The following ABLIM2 variants were observed in gnomAD, a reference collection of about 807,000 sequenced individuals.
ABLIM2 encodes actin-binding LIM protein 2.
ABLIM2 carries 53 observed loss-of-function variants against 97.7 expected under a neutral mutation model. The observed-to-expected ratio is 0.54, with a 90% confidence interval of 0.44 to 0.68. The LOEUF (loss-of-function observed/expected upper bound fraction) is 0.68. Ranked by LOEUF, ABLIM2 falls within the 30% of genes least tolerant of loss-of-function variation. The pLI is 0.00. For synonymous variants in ABLIM2, 361 were observed against 345.8 expected (o/e 1.04, Z -0.49); for missense variants, 835 against 867.2 (o/e 0.96, Z 0.47).
intron 17 of ABLIM2, among the ~76,000 whole-genome samples, chr4:7,989,063 C>T (rs1400430353): frequency 1.4e-5 from 2 of 142,444 alleles, no homozygotes; most frequent in African/African-American, 5.1e-5. Context: ...GTTCACTAGA[C>T]ACATTAGTCT....
chr4:8,006,144 C>T (rs924300513), intron 16 of ABLIM2, among the ~76,000 whole-genome samples: 1 of 152,228 alleles, frequency 6.6e-6, no homozygotes, highest in Admixed American at 6.5e-5. Flanking sequence ...CTCCAGGGCA[C>T]CTACATTCTG....
chr4:8,017,144 A>T (rs906101982), intron 14 of ABLIM2, among the ~76,000 whole-genome samples: 3 of 152,124 alleles, frequency 2.0e-5, no homozygotes, highest in East Asian at 1.9e-4. Context: ...CCTTGAGTAG[A>T]TGACATGCTG....
intron 14 of ABLIM2, chr4:8,010,718 C>A: frequency 2.0e-6 from 1 of 489,890 alleles, no homozygotes; most frequent in Non-Finnish European, 2.7e-6. Flanking sequence ...AAATCAACGC[C>A]AAGCCTGCTC....
At chr4:7,969,829 G>T (rs1726304206) in intron 20 of ABLIM2, among the ~76,000 whole-genome samples, 1 of 150,936 alleles carries the variant, frequency 6.6e-6, no homozygotes, top group East Asian at 2.0e-4. Context: ...TCTCGAGTTT[G>T]CAAAGAGGAA....
At chr4:8,097,032 G>T in intron 3 of ABLIM2, 67 bp downstream of exon 3, 1 of 1,505,252 alleles carries the variant, frequency 6.6e-7, no homozygotes, top group Non-Finnish European at 8.9e-7. Flanking sequence ...AGAAGGGAAG[G>T]GAGGGAGGGA....
At chr4:8,108,426 T>G (rs902982423) in intron 1 of ABLIM2, among the ~76,000 whole-genome samples, 1 of 152,154 alleles carries the variant, frequency 6.6e-6, no homozygotes, top group Non-Finnish European at 1.5e-5. Context: ...AGACAACACC[T>G]GCAGCTGCCG....
rs551201650 is a variant in ABLIM2 at position 8,005,442 on chromosome 4, G to A, written c.1618+2617C>T. On this transcript the variant is annotated intron_variant, in intron 16 of 20. Transcript: ENST00000447017. This position sits in a 1 kb window ranked among gnomAD's most constrained non-coding sequence, Gnocchi z 4.9. The stretch of plus-strand genomic sequence containing the variant: ...AGATGGACGTCCCGGGGTGCAGGTG[G>A]CGTGCCTTGCTGTGTGCAAATGCTT... 1.9e-6 allele frequency: 1 copy of A among 532,878 alleles called. No individual in the cohort carries two copies. Among genetic ancestry groups the A allele is most frequent in the Non-Finnish European group, 3.8e-6 (1 of 259,962 alleles). The allele number at this position is 532,878 out of a possible 1,614,324, so 33.0% of individuals were successfully genotyped here.
At chr4:8,151,500 G>A (rs968984153) in intron 1 of ABLIM2, among the ~76,000 whole-genome samples, 1 of 152,136 alleles carries the variant, frequency 6.6e-6, no homozygotes, top group Non-Finnish European at 1.5e-5. Context: ...CTCCCTCCAC[G>A]CCAGAGACCC....
rs747358990 is a variant in ABLIM2 at position 8,069,134 on chromosome 4, C to T, written c.676-8080G>A. ...TCACTCCTGGCCCCACTGCCTCTTC[C>T]TCTCTACCCAGCTCCCGTTAAGGCG... On this transcript the variant is annotated intron_variant, in intron 6 of 20. Transcript: ENST00000447017. This position sits in a 1 kb window ranked among gnomAD's most constrained non-coding sequence, Gnocchi z 4.2. Among the ~76,000 whole-genome samples, 3 of 152,392 alleles carry T rather than the reference C, an allele frequency of 2.0e-5. No individual in the cohort carries two copies. Among genetic ancestry groups the T allele is most frequent in the Non-Finnish European group, 2.9e-5 (2 of 68,044 alleles).
chr4:8,096,629 C>A (rs1467060851), intron 3 of ABLIM2, among the ~76,000 whole-genome samples: 5 of 152,212 alleles, frequency 3.3e-5, no homozygotes, highest in East Asian at 3.8e-4. Context: ...ACAGGGAGTA[C>A]AGAACAGAAA....
At position 7,984,862 on chromosome 4, in the gene ABLIM2, G is replaced by A. The variant is rs1033151610; in HGVS notation, c.1712C>T (p.Pro571Leu). ...NANLAPCGAD[P>L]DASWGMREYK... ...ACCTCGCATGCCCCAGCTGGCATCCGGGTCTGCTCCACAGGGGGCCAGATT... is the reference window on the plus strand; with the variant it reads ...ACCTCGCATGCCCCAGCTGGCATCCAGGTCTGCTCCACAGGGGGCCAGATT... The change falls in exon 18 of 21, where the codon CCG becomes CTG. Residue 571 changes from proline to leucine, a missense_variant. Pro to Leu is a moderately conservative substitution (Grantham distance 98, BLOSUM62 -3). Transcript: ENST00000447017. 1.9e-5 allele frequency: 30 copies of A among 1,607,852 alleles called. No homozygotes were observed. Among genetic ancestry groups the A allele is most frequent in the Admixed American group, 3.4e-5 (2 of 59,164 alleles).
chr4:8,156,156 C>T (rs900675488), intron 1 of ABLIM2, among the ~76,000 whole-genome samples: 2 of 152,126 alleles, frequency 1.3e-5, no homozygotes, highest in Non-Finnish European at 2.9e-5. Context: ...GGATCTGGTG[C>T]CCACTGGTGG....
In ABLIM2 at chr4:8,097,238, C is replaced by A; in HGVS notation, c.199G>T (p.Gly67Cys). 6.3e-7 allele frequency: 1 copy of A among 1,575,866 alleles called. No individual in the cohort carries two copies. Among genetic ancestry groups the A allele is most frequent in the Non-Finnish European group, 8.6e-7 (1 of 1,161,934 alleles). Residue 67 changes from glycine (G) to cysteine (C), a missense_variant, in exon 3 of 21, where the codon GGC (glycine) becomes TGC (cysteine). Transcript: ENST00000447017. ...TAGTCCAGCGTGCAGATGTACTCGC[C>A]CTGCCGCACGAAGAAGCCGCCCTCG... ...LAEGGFFVRQ[G>C]EYICTLDYQR...
chr4:8,094,980 CTT>C (rs1165641736), intron 3 of ABLIM2, among the ~76,000 whole-genome samples: 3 of 127,550 alleles, frequency 2.4e-5, no homozygotes, highest in African/African-American at 6.4e-5. Context: ...CCCTCCCTTT[CTT>C]TCTCTTTCTT....
rs559684051 is a variant in ABLIM2 at position 7,984,026 on chromosome 4, C to G, written c.1736-472G>C. Among the ~76,000 whole-genome samples, 53 of 151,850 alleles carry G rather than the reference C, an allele frequency of 3.5e-4. 1 individual carries two copies. In the South Asian group the frequency reaches 0.011, roughly 31 times the overall value. Reference sequence around the variant, plus strand: ...TTTCTCTTTTTCAAACTACTGAGCTCTGCCCCCTAATGTCTTACTTCCAGA... The same window carrying G: ...TTTCTCTTTTTCAAACTACTGAGCTGTGCCCCCTAATGTCTTACTTCCAGA... On this transcript the variant is annotated intron_variant, in intron 18 of 20. Transcript: ENST00000447017.
In ABLIM2 at chr4:8,131,695, C is replaced by CT. The variant is rs1849414309; in HGVS notation, c.11-25059_11-25058insA. ...TCCCTGAGCACAGCAGCCCGCATCCCCAGCACAGCAGCCCGCATCCCTGAG... is the reference window on the plus strand; with the variant it reads ...TCCCTGAGCACAGCAGCCCGCATCCCTCAGCACAGCAGCCCGCATCCCTGAG... On this transcript the variant is annotated intron_variant, in intron 1 of 20. Coordinates refer to ENST00000447017, the MANE Select transcript of ABLIM2 (RefSeq NM_001130083.2). Among the ~76,000 whole-genome samples, 5 of 98,928 alleles carry CT rather than the reference C, an allele frequency of 5.1e-5. No individual in the cohort carries two copies. The South Asian group carries it at 1.9e-3, about 38-fold the overall frequency. The allele number at this position is 98,928 out of a possible 152,430, so 64.9% of individuals were successfully genotyped here. A position where few individuals can be genotyped will look rare whatever the true frequency, so the allele number is the denominator to read the frequency against.
chr4:8,098,292 GA>G lies in ABLIM2; in HGVS notation c.155-1011del, dbSNP rs1448293103. The stretch of plus-strand genomic sequence containing the variant: ...TACAGCCACCAAGGAAGGGCTTTGA[GA>G]AACCATGTAGCCCTCATACATTTTA... On this transcript the variant is annotated intron_variant, in intron 2 of 20. Coordinates refer to ENST00000447017, the MANE Select transcript of ABLIM2 (RefSeq NM_001130083.2). Among the ~76,000 whole-genome samples, 3 of 152,248 alleles carry G rather than the reference GA, an allele frequency of 2.0e-5. 1 individual carries two copies. Among genetic ancestry groups the G allele is most frequent in the Admixed American group, 2.0e-4 (3 of 15,278 alleles).
rs1439278714 is a variant in ABLIM2 at position 7,999,810 on chromosome 4, G to T, written c.1619-6883C>A. On this transcript the variant is annotated intron_variant, in intron 16 of 20. Coordinates refer to ENST00000447017, the MANE Select transcript of ABLIM2 (RefSeq NM_001130083.2). This position sits in a 1 kb window ranked among gnomAD's most constrained non-coding sequence, Gnocchi z 4.4. ...CCAGGCTCAGCCAAACCAGGCTCCT[G>T]GCCGCCTCCCCTCCATGAAGCCTGC... Among the ~76,000 whole-genome samples the T allele has an allele frequency of 6.6e-6, 1 of 152,166 alleles. No individual in the cohort carries two copies. Among genetic ancestry groups the T allele is most frequent in the Non-Finnish European group, 1.5e-5 (1 of 68,014 alleles).
At chr4:8,136,411 C>T (rs1850207622) in intron 1 of ABLIM2, among the ~76,000 whole-genome samples, 1 of 152,188 alleles carries the variant, frequency 6.6e-6, no homozygotes, top group Non-Finnish European at 1.5e-5. Context: ...GGATGGCACA[C>T]TTAAGAATGG....
Sources: gnomAD v4.1 joint callset for allele counts (sites outside exome capture counted in the v4.1 genomes callset) on GRCh38, gnomAD v4.1.1 for gene constraint, Gnocchi (gnomAD v3.1) non-coding constraint, MANE v1.5 for transcripts, NCBI Gene and HGNC (gene_info 2026-07-23, HGNC 2026-07-21) for gene names.